The following ADAMTS15 variants were observed in gnomAD, a reference collection of about 807,000 sequenced individuals.
ADAMTS15 encodes the protein ADAM metallopeptidase with thrombospondin type 1 motif 15, also known as A disintegrin and metalloproteinase with thrombospondin motifs 15.
ADAMTS15 carries 35 observed loss-of-function variants against 79.1 expected under a neutral mutation model. The ratio of observed to expected loss-of-function variants is 0.44; its 90% confidence interval spans 0.34 to 0.59. The LOEUF is 0.59. Among genes scored for constraint, ADAMTS15 ranks in the 20% least tolerant of loss-of-function variants. ADAMTS15 has a pLI of 0.02. For synonymous variants in ADAMTS15, 616 were observed against 567.3 expected (o/e 1.09, Z -1.22); for missense variants, 1,324 against 1,318.7 (o/e 1.00, Z -0.06).
intron 1 of ADAMTS15, among the ~76,000 whole-genome samples, chr11:130,459,396 A>G (rs1237236917): frequency 6.6e-6 from 1 of 151,898 alleles, no homozygotes; most frequent in Non-Finnish European, 1.5e-5. Flanking sequence ...GAACTCCTAG[A>G]CTTAAGCGAT....
Position 130,462,368 on chromosome 11 carries a change from C to G in ADAMTS15, c.1258+114C>G. On this transcript the variant is annotated intron_variant, in intron 3 of 7. Transcript: ENST00000299164. The surrounding 1 kb of genome is among the most constrained non-coding windows in gnomAD (Gnocchi z 4.3). ...TGTACATTAGGTGTGTGTGCCCCCT[C>G]GGAGCCGGGCTCTGACATGAGTGCA... 4 of 1,481,688 alleles carry G rather than the reference C, an allele frequency of 2.7e-6. No homozygotes were observed. The highest frequency in any genetic ancestry group is 3.6e-6 in the Non-Finnish European group (4 of 1,106,812). The allele number at this position is 1,481,688 out of a possible 1,614,324, so 91.8% of individuals were successfully genotyped here.
Position 130,462,403 on chromosome 11 carries a change from C to A in ADAMTS15, c.1259-94C>A. 1 of 1,506,104 alleles carries A rather than the reference C, an allele frequency of 6.6e-7. No homozygotes were observed. The highest frequency in any genetic ancestry group is 8.9e-7 in the Non-Finnish European group (1 of 1,119,172). The allele number at this position is 1,506,104 out of a possible 1,614,324, so 93.3% of individuals were successfully genotyped here. On this transcript the variant is annotated intron_variant, in intron 3 of 7. Coordinates refer to ENST00000299164, the MANE Select transcript of ADAMTS15 (RefSeq NM_139055.4). The surrounding 1 kb of genome is among the most constrained non-coding windows in gnomAD (Gnocchi z 4.3). ...CTCTGACATGAGTGCATTCCTGTTG[C>A]CCTTGGTTCATTATCCCCTTACCAT...
intron 7 of ADAMTS15, 141 bp downstream of exon 7, chr11:130,471,524 C>T: frequency 2.5e-6 from 2 of 800,076 alleles, no homozygotes; most frequent in Non-Finnish European, 3.7e-6. Context: ...CCATACCCTT[C>T]TAGGGCTGCT....
Position 130,462,209 on chromosome 11 carries a change from G to T in ADAMTS15, c.1213G>T (p.Ala405Ser), listed in dbSNP as rs531491655. Reference sequence around the variant, plus strand: ...GATCGACCGTGCCAACCCCTGGTCAGCCTGCAGTGCTGCCATCATCACCGA... The same window carrying T: ...GATCGACCGTGCCAACCCCTGGTCATCCTGCAGTGCTGCCATCATCACCGA... ...IQIDRANPWS[A>S]CSAAIITDFL... The change falls in exon 3 of 8, where the codon GCC (alanine) becomes TCC (serine). Residue 405 changes from alanine (A) to serine (S), a missense_variant. By Grantham distance (99) the Ala-to-Ser change is moderately conservative (BLOSUM62 1). Transcript: ENST00000299164. This position sits in a 1 kb window ranked among gnomAD's most constrained non-coding sequence, Gnocchi z 4.3. 3 of 1,614,190 alleles carry T rather than the reference G, an allele frequency of 1.9e-6. No homozygotes were observed. Among genetic ancestry groups the T allele is most frequent in the Admixed American group, 3.3e-5 (2 of 60,034 alleles).
intron 1 of ADAMTS15, among the ~76,000 whole-genome samples, chr11:130,451,189 A>G (rs1937954354): frequency 6.6e-6 from 1 of 151,836 alleles, no homozygotes; most frequent in Admixed American, 6.6e-5. Flanking sequence ...TTTGGTTATT[A>G]TCATAACCAC....
chr11:130,466,049 T>C (rs1173502553), intron 4 of ADAMTS15, among the ~76,000 whole-genome samples: 1 of 151,996 alleles, frequency 6.6e-6, no homozygotes, highest in Non-Finnish European at 1.5e-5. Flanking sequence ...ATTTTTGTAT[T>C]TTTAGTGGAG....
chr11:130,469,318 TGGGGGC>T lies in ADAMTS15; in HGVS notation c.1601_1606del (p.Gly534_Gly535del), dbSNP rs1444507955. ...ATGGCCCCTGCTCGCGCACATGTGG[TGGGGGC>T]GTGCAGCTGGCCAGGAGGCAGTGCA... On this transcript the variant is annotated inframe_deletion, in exon 5 of 8. Transcript: ENST00000299164. 1 of 1,397,046 alleles carries T rather than the reference TGGGGGC, an allele frequency of 7.2e-7. No homozygotes were observed. Among genetic ancestry groups the T allele is most frequent in the African/African-American group, 1.5e-5 (1 of 67,118 alleles). The allele number at this position is 1,397,046 out of a possible 1,614,324, so 86.5% of individuals were successfully genotyped here.
intron 4 of ADAMTS15, among the ~76,000 whole-genome samples, chr11:130,463,932 G>A (rs753037009): frequency 3.8e-4 from 58 of 152,314 alleles, no homozygotes; most frequent in Middle Eastern, 3.4e-3. Context: ...TAATGATGAT[G>A]AGAGGGGGCT....
At position 130,474,819 on chromosome 11, in the gene ADAMTS15, G is replaced by A. The variant is rs577386445; in HGVS notation, c.*998G>A. ...TATGCAGGCTGACATCCGAGGGTCT[G>A]TGTCGCCTCAGACAGCCCTGACAGT... is the stretch of plus-strand genomic sequence containing the variant. On this transcript the variant is annotated 3_prime_UTR_variant, in exon 8 of 8. Coordinates refer to ENST00000299164, the MANE Select transcript of ADAMTS15 (RefSeq NM_139055.4). The A allele has an allele frequency of 9.2e-5, 14 of 152,290 alleles. No individual in the cohort carries two copies. Among genetic ancestry groups the A allele is most frequent in the African/African-American group, 3.4e-4 (14 of 41,540 alleles). 9.4% of individuals were successfully genotyped at this position (152,290 alleles called of 1,614,324 possible).
chr11:130,449,970 G>A lies in ADAMTS15; in HGVS notation c.957+40G>A, dbSNP rs1368195127. ...CGTCACTTTGCACCCAGATAGTCCC[G>A]TTCTTTAGGGTCACCTCCCCTAGCG... On this transcript the variant is annotated intron_variant, in intron 1 of 7. Transcript: ENST00000299164. This position sits in a 1 kb window ranked among gnomAD's most constrained non-coding sequence, Gnocchi z 7.8. The A allele has an allele frequency of 1.3e-6, 2 of 1,581,224 alleles. No individual in the cohort carries two copies. Among genetic ancestry groups the A allele is most frequent in the Non-Finnish European group, 1.7e-6 (2 of 1,168,056 alleles).
intron 4 of ADAMTS15, among the ~76,000 whole-genome samples, chr11:130,467,364 G>A (rs1260367183): frequency 1.3e-5 from 2 of 152,172 alleles, no homozygotes; most frequent in Non-Finnish European, 2.9e-5. Context: ...CGCTGTCAGG[G>A]AGTGAAAGGA....
chr11:130,462,174 C>T lies in ADAMTS15; in HGVS notation c.1178C>T (p.Thr393Ile), dbSNP rs1938213282. The T allele has an allele frequency of 2.5e-6, 4 of 1,614,208 alleles. No homozygotes were observed. The highest frequency in any genetic ancestry group is 3.4e-6 in the Non-Finnish European group (4 of 1,180,030). Residue 393 changes from threonine (T) to isoleucine (I), a missense_variant, in exon 3 of 8, where the codon ACC becomes ATC. Transcript: ENST00000299164. The surrounding 1 kb of genome is among the most constrained non-coding windows in gnomAD (Gnocchi z 4.3). ...KLRANHMMSPTLIQIDRANPW... is the reference protein window; with the variant it reads ...KLRANHMMSPILIQIDRANPW... ...CGAGCCAACCACATGATGTCCCCGA[C>T]CCTCATCCAGATCGACCGTGCCAAC...
chr11:130,459,913 A>C (rs1177538901), intron 1 of ADAMTS15, among the ~76,000 whole-genome samples: 2 of 152,242 alleles, frequency 1.3e-5, no homozygotes, highest in Non-Finnish European at 2.9e-5. Flanking sequence ...GCATGTACAC[A>C]GATGCACATG....
chr11:130,460,846 A>T (rs1938184293), intron 1 of ADAMTS15, among the ~76,000 whole-genome samples: 2 of 151,962 alleles, frequency 1.3e-5, no homozygotes, highest in African/African-American at 4.8e-5. Flanking sequence ...CCATCTCTCT[A>T]TTTCATGTAT....
chr11:130,473,362 C>T lies in ADAMTS15; in HGVS notation c.2394C>T (p.Phe798=), dbSNP rs765809118. Residue 798 remains phenylalanine, a synonymous_variant, in exon 8 of 8, where the codon TTC becomes TTT. Coordinates refer to ENST00000299164, the MANE Select transcript of ADAMTS15 (RefSeq NM_139055.4). ...CACCGCCCCGGGTCCGCTACTCCTT[C>T]TATCTGCCCAAAGAGCCTCGGGAGG... ...KMTPPRVRYS[F]YLPKEPREDK... is the part of the protein sequence containing the mutation. 50 of 1,612,764 alleles carry T rather than the reference C, an allele frequency of 3.1e-5. No individual in the cohort carries two copies. The highest frequency in any genetic ancestry group is 4.2e-5 in the Non-Finnish European group (49 of 1,180,010).
In ADAMTS15 at chr11:130,449,263, A is replaced by G; in HGVS notation, c.290A>G (p.Asp97Gly). 1.2e-6 allele frequency: 2 copies of G among 1,612,932 alleles called. No individual in the cohort carries two copies. Among genetic ancestry groups the G allele is most frequent in the Non-Finnish European group, 1.7e-6 (2 of 1,179,994 alleles). The change falls in exon 1 of 8, where the codon GAC becomes GGC. Residue 97 changes from aspartate to glycine, a missense_variant. Asp to Gly is a moderately conservative substitution (Grantham distance 94). Coordinates refer to ENST00000299164, the MANE Select transcript of ADAMTS15 (RefSeq NM_139055.4). This position sits in a 1 kb window ranked among gnomAD's most constrained non-coding sequence, Gnocchi z 7.8. Reference protein sequence around the residue: ...PLQGLTGGSSDLRRCFYSGDV... With the variant: ...PLQGLTGGSSGLRRCFYSGDV... Reference sequence around the variant, plus strand: ...CAGGGGCTCACCGGGGGCTCTTCAGACCTGCGACGCTGCTTCTATTCTGGG... The same window carrying G: ...CAGGGGCTCACCGGGGGCTCTTCAGGCCTGCGACGCTGCTTCTATTCTGGG...
At chr11:130,451,142 G>A (rs910152903) in intron 1 of ADAMTS15, among the ~76,000 whole-genome samples, 1 of 151,404 alleles carries the variant, frequency 6.6e-6, no homozygotes, top group African/African-American at 2.4e-5. Context: ...CTTCTGATTT[G>A]GGGGACTGTG....
Position 130,469,325 on chromosome 11 carries a change from G to C in ADAMTS15, c.1606G>C (p.Val536Leu). 7.2e-7 allele frequency: 1 copy of C among 1,388,720 alleles called. No individual in the cohort carries two copies. Among genetic ancestry groups the C allele is most frequent in the Non-Finnish European group, 9.4e-7 (1 of 1,065,408 alleles). 86.0% of individuals were successfully genotyped at this position (1,388,720 alleles called of 1,614,324 possible). A position where few individuals can be genotyped will look rare whatever the true frequency, so the allele number is the denominator to read the frequency against. The change falls in exon 5 of 8, where the codon GTG (valine) becomes CTG (leucine). Residue 536 changes from valine to leucine, a missense_variant. Physicochemically the swap from Val to Leu is conservative, Grantham distance 32. Transcript: ENST00000299164. ...CTGCTCGCGCACATGTGGTGGGGGCGTGCAGCTGGCCAGGAGGCAGTGCAC... is the reference window on the plus strand; with the variant it reads ...CTGCTCGCGCACATGTGGTGGGGGCCTGCAGCTGGCCAGGAGGCAGTGCAC... The part of the protein sequence containing the change: ...GPCSRTCGGG[V>L]QLARRQCTNP...
rs374814680 is a variant in ADAMTS15 at position 130,464,649 on chromosome 11, T to C, written c.1542+1869T>C. 2.0e-5 allele frequency among the ~76,000 whole-genome samples: 3 copies of C among 152,138 alleles called. No homozygotes were observed. The South Asian group carries it at 6.2e-4, about 32-fold the overall frequency. ...CTCACCCAGTGAGAAAAACATGCAA[T>C]TGTGCTCACTGGTCTCAGTTTAAAT... On this transcript the variant is annotated intron_variant, in intron 4 of 7. Coordinates refer to ENST00000299164, the MANE Select transcript of ADAMTS15 (RefSeq NM_139055.4).
Sources: allele counts gnomAD v4.1 joint callset (sites outside exome capture counted in the v4.1 genomes callset), GRCh38; gene constraint gnomAD v4.1.1; non-coding constraint Gnocchi (gnomAD v3.1); transcripts MANE v1.5; gene names NCBI Gene and HGNC (gene_info 2026-07-23, HGNC 2026-07-21).